Variants in ZSWIM2 observed in about 807,000 individuals in gnomAD.
ZSWIM2 encodes the protein E3 ubiquitin-protein ligase ZSWIM2.
A neutral mutation model predicts 48.4 loss-of-function variants in ZSWIM2; 38 were observed. The observed-to-expected ratio is 0.79, with a 90% CI of 0.61 to 1.03. The LOEUF is 1.03. ZSWIM2 is among the 50% of genes least tolerant of loss of function. The pLI is 0.00. For synonymous variants in ZSWIM2, 240 were observed against 251.3 expected (o/e 0.96, Z 0.42); for missense variants, 776 against 730.2 (o/e 1.06, Z -0.72).
At position 186,838,973 on chromosome 2, in the gene ZSWIM2, A is replaced by G; in HGVS notation, c.480T>C (p.Pro160=). 6.2e-7 allele frequency: 1 copy of G among 1,608,240 alleles called. No homozygotes were observed. The highest frequency in any genetic ancestry group is 8.5e-7 in the Non-Finnish European group (1 of 1,176,570). The change falls in exon 4 of 9, where the codon CCT becomes CCC. Residue 160 remains proline, a synonymous_variant. Coordinates refer to ENST00000295131, the MANE Select transcript of ZSWIM2 (RefSeq NM_182521.3). The part of the protein sequence containing the change: ...CQELLLEKKL[P]VTFCRFGCGN... ...AAGTACATCACCTGCAAAAGGTGAC[A>G]GGAAGCTTTTTCTCTAAAAGTAGCT... is the stretch of plus-strand genomic sequence containing the variant.
chr2:186,842,643 T>C (rs1691925713), intron 3 of ZSWIM2, among the ~76,000 whole-genome samples: 1 of 151,596 alleles, frequency 6.6e-6, no homozygotes, highest in South Asian at 2.1e-4. Flanking sequence ...GCAGAGCTCC[T>C]AGCTAATATG....
At chr2:186,828,936 T>C (rs1428327665) in intron 8 of ZSWIM2, 146 bp from the exon 9 acceptor site, 1 of 556,400 alleles carries the variant, frequency 1.8e-6, no homozygotes, top group Non-Finnish European at 2.8e-6. Context: ...TATGAAAATA[T>C]TTTGAAGAAG....
At chr2:186,837,618 ATATATATATAT>A (rs932289572) in intron 4 of ZSWIM2, 64 bp from the exon 5 acceptor site, 2 of 432,794 alleles carry the variant, frequency 4.6e-6, no homozygotes, top group African/African-American at 4.4e-5. Context: ...CATTGTATAT[ATATATATATAT>A]TATATATATA....
chr2:186,831,144 C>T (rs146902374), intron 7 of ZSWIM2, among the ~76,000 whole-genome samples: 68 of 152,146 alleles, frequency 4.5e-4, no homozygotes, highest in African/African-American at 1.6e-3. Context: ...CCAATATCTC[C>T]TAAGTCCAAC....
In ZSWIM2 at chr2:186,844,308, A is replaced by G. The variant is rs914846454; in HGVS notation, c.283+409T>C. 2.6e-5 allele frequency among the ~76,000 whole-genome samples: 4 copies of G among 151,784 alleles called. No homozygotes were observed. The East Asian group carries it at 7.7e-4, about 29-fold the overall frequency. Reference sequence around the variant, plus strand: ...GTTTAGCAAAACAATTTCATTCAGCAAACATTTTTGAATAAAATAATGTGC... The same window carrying G: ...GTTTAGCAAAACAATTTCATTCAGCGAACATTTTTGAATAAAATAATGTGC... On this transcript the variant is annotated intron_variant, in intron 3 of 8. Coordinates refer to ENST00000295131, the MANE Select transcript of ZSWIM2 (RefSeq NM_182521.3).
chr2:186,836,876 T>C (rs937642695), intron 5 of ZSWIM2, among the ~76,000 whole-genome samples: 4 of 152,138 alleles, frequency 2.6e-5, no homozygotes, highest in African/African-American at 7.2e-5. Context: ...GGATTAAATA[T>C]TCAGTCAATC....
intron 7 of ZSWIM2, 32 bp downstream of exon 7, chr2:186,833,088 A>G: frequency 1.0e-6 from 1 of 992,162 alleles, no homozygotes; most frequent in Non-Finnish European, 1.5e-6. Context: ...ATTCTGTCAT[A>G]CAACAAATAT....
intron 5 of ZSWIM2, among the ~76,000 whole-genome samples, chr2:186,834,806 T>G (rs766842929): frequency 1.4e-4 from 21 of 152,152 alleles, no homozygotes; most frequent in Non-Finnish European, 2.9e-4. Flanking sequence ...CCTCTTCTAC[T>G]TTTAAGAACC....
chr2:186,836,981 G>T (rs1037950887), intron 5 of ZSWIM2, among the ~76,000 whole-genome samples: 6 of 152,102 alleles, frequency 3.9e-5, no homozygotes, highest in African/African-American at 1.4e-4. Context: ...ATCCAGCAAG[G>T]CTCTAAGCTT....
At chr2:186,832,785 T>G (rs193287371) in intron 7 of ZSWIM2, among the ~76,000 whole-genome samples, 3 of 152,280 alleles carry the variant, frequency 2.0e-5, no homozygotes, top group Admixed American at 2.0e-4. Flanking sequence ...ATTTGAATAT[T>G]TATTGTGTTT....
At chr2:186,848,399 T>G (rs978505585) in intron 1 of ZSWIM2, among the ~76,000 whole-genome samples, 2 of 152,172 alleles carry the variant, frequency 1.3e-5, no homozygotes, top group Non-Finnish European at 2.9e-5. Flanking sequence ...AATTTTTGAG[T>G]GGTTAAGGAT....
chr2:186,839,083 T>G lies in ZSWIM2; in HGVS notation c.370A>C (p.Asn124His). The G allele has an allele frequency of 6.2e-7, 1 of 1,612,020 alleles. No individual in the cohort carries two copies. The highest frequency in any genetic ancestry group is 8.5e-7 in the Non-Finnish European group (1 of 1,178,524). Reference protein sequence around the residue: ...HRVQTPQPGTNDENEHVEEDG... With the variant: ...HRVQTPQPGTHDENEHVEEDG... Reference sequence around the variant, plus strand: ...TCTTCAACATGTTCATTTTCGTCATTTGTTCCTGGTTGGGGAGTTTGAACT... The same window carrying G: ...TCTTCAACATGTTCATTTTCGTCATGTGTTCCTGGTTGGGGAGTTTGAACT... Residue 124 changes from asparagine to histidine, a missense_variant, in exon 4 of 9, where the codon AAT becomes CAT. Transcript: ENST00000295131.
At position 186,827,892 on chromosome 2, in the gene ZSWIM2, A is replaced by G; in HGVS notation, c.*92T>C. ...GGCAAATTCCAACAGAGAATTTTAT[A>G]TACATTTGTCAAGACTATGTGTGCT... On this transcript the variant is annotated 3_prime_UTR_variant, in exon 9 of 9. Transcript: ENST00000295131. 9.1e-7 allele frequency: 1 copy of G among 1,099,244 alleles called. No homozygotes were observed. The highest frequency in any genetic ancestry group is 1.2e-6 in the Non-Finnish European group (1 of 801,028). 68.1% of individuals were successfully genotyped at this position (1,099,244 alleles called of 1,614,324 possible). A position where few individuals can be genotyped will look rare whatever the true frequency, so the allele number is the denominator to read the frequency against.
At chr2:186,831,500 C>G (rs545899799) in intron 7 of ZSWIM2, among the ~76,000 whole-genome samples, 1 of 151,902 alleles carries the variant, frequency 6.6e-6, no homozygotes, top group African/African-American at 2.4e-5. Flanking sequence ...CTTAAAAAGT[C>G]GTGACCCAGC....
At chr2:186,843,250 A>G (rs770448450) in intron 3 of ZSWIM2, among the ~76,000 whole-genome samples, 4 of 151,620 alleles carry the variant, frequency 2.6e-5, no homozygotes, top group Non-Finnish European at 4.4e-5. Context: ...TCAACATTTA[A>G]CTTCAGTGAA....
intron 3 of ZSWIM2, among the ~76,000 whole-genome samples, chr2:186,840,657 A>T (rs1001000816): frequency 1.2e-4 from 18 of 151,536 alleles, no homozygotes; most frequent in Admixed American, 8.6e-4. Context: ...CAAAACAACT[A>T]CACACTGGTG....
At chr2:186,831,218 G>C (rs1366552462) in intron 7 of ZSWIM2, among the ~76,000 whole-genome samples, 1 of 152,052 alleles carries the variant, frequency 6.6e-6, no homozygotes, top group Non-Finnish European at 1.5e-5. Context: ...GGAAAATGGA[G>C]TTGCAAAGCC....
intron 2 of ZSWIM2, among the ~76,000 whole-genome samples, chr2:186,845,849 G>T (rs951778051): frequency 5.3e-5 from 8 of 151,452 alleles, no homozygotes; most frequent in Admixed American, 5.3e-4. Context: ...TATCTTGAAA[G>T]ATTTATAGTT....
At chr2:186,846,426 A>G (rs1656889455) in intron 2 of ZSWIM2, among the ~76,000 whole-genome samples, 1 of 152,002 alleles carries the variant, frequency 6.6e-6, no homozygotes, top group Non-Finnish European at 1.5e-5. Flanking sequence ...TATAACCACA[A>G]TGAGATATCA....
Sources: gnomAD v4.1 joint callset for allele counts (sites outside exome capture counted in the v4.1 genomes callset) on GRCh38, gnomAD v4.1.1 for gene constraint, MANE v1.5 for transcripts, NCBI Gene and HGNC (gene_info 2026-07-23, HGNC 2026-07-21) for gene names.